The following RYR2 variants were observed in gnomAD, a reference collection of about 807,000 sequenced individuals.
The protein encoded by RYR2 is ryanodine receptor 2, also known as cardiac muscle ryanodine receptor-calcium release channel.
In RYR2, 227 loss-of-function variants were observed where a neutral mutation model predicts 601.1. The ratio of observed to expected loss-of-function variants is 0.38; its 90% CI spans 0.34 to 0.42. The LOEUF (loss-of-function observed/expected upper bound fraction) is 0.42. Among genes scored for constraint, RYR2 ranks in the 10% least tolerant of loss-of-function variants. RYR2 has a pLI of 1.00. For missense variants in RYR2, 4,646 were observed against 6,156.5 expected (o/e 0.75, Z 8.21); for synonymous variants, 2,223 against 2,175.1 (o/e 1.02, Z -0.61).
intron 2 of RYR2, among the ~76,000 whole-genome samples, chr1:237,312,100 A>G (rs906095680): frequency 6.6e-6 from 1 of 152,200 alleles, no homozygotes; most frequent in African/African-American, 2.4e-5. Context: ...AAACATAGAG[A>G]CAATAGATTG....
intron 29 of RYR2, among the ~76,000 whole-genome samples, chr1:237,584,691 T>G (rs1241833327): frequency 1.6e-5 from 2 of 125,446 alleles, no homozygotes; most frequent in Non-Finnish European, 3.2e-5. Context: ...GGTCTCGCCT[T>G]GCTCTGTCAC....
intron 10 of RYR2, among the ~76,000 whole-genome samples, chr1:237,392,648 G>C (rs911376577): frequency 1.3e-5 from 2 of 151,320 alleles, no homozygotes; most frequent in Non-Finnish European, 2.9e-5. Flanking sequence ...ATCAACAAAG[G>C]CATTTCCTTT....
At chr1:237,709,917 CAAT>C (rs1688689339) in intron 70 of RYR2, among the ~76,000 whole-genome samples, 1 of 152,280 alleles carries the variant, frequency 6.6e-6, no homozygotes, top group Admixed American at 6.5e-5. Context: ...CAATTTCCAA[CAAT>C]AACCCACACT....
At chr1:237,115,699 C>T (rs568459602) in intron 1 of RYR2, among the ~76,000 whole-genome samples, 5 of 152,242 alleles carry the variant, frequency 3.3e-5, no homozygotes, top group African/African-American at 7.2e-5. Flanking sequence ...TGAAGGTATC[C>T]GTGCCTCTGG....
At chr1:237,607,027 G>A (rs1173547785) in intron 35 of RYR2, among the ~76,000 whole-genome samples, 1 of 152,176 alleles carries the variant, frequency 6.6e-6, no homozygotes, top group Non-Finnish European at 1.5e-5. Context: ...GATTCCTCAA[G>A]GATCTAGAAC....
At chr1:237,731,916 A>ACACACACACACACC (rs936901045) in intron 77 of RYR2, 130 bp from the exon 78 acceptor site, 113 of 601,178 alleles carry the variant, frequency 1.9e-4, no homozygotes, top group Non-Finnish European at 2.8e-4. Context: ...ACACACACAC[A>ACACACACACACACC]CACCCCACAA....
In RYR2 at chr1:237,832,618, C is replaced by A; in HGVS notation, c.14875C>A (p.Arg4959=). Residue 4959 remains arginine (R), a synonymous_variant, in exon 105 of 105, where the codon CGG becomes AGG. Coordinates refer to ENST00000366574, the MANE Select transcript of RYR2 (RefSeq NM_001035.3). ...ATTTTTCCCAGCAGGGGATTGCTTC[C>A]GGAAACAGTATGAAGACCAGCTAAA... ...WEFFPAGDCF[R]KQYEDQLN is the part of the protein sequence containing the mutation. 1 of 1,611,610 alleles carries A rather than the reference C, an allele frequency of 6.2e-7. No homozygotes were observed. Among genetic ancestry groups the A allele is most frequent in the Non-Finnish European group, 8.5e-7 (1 of 1,178,260 alleles).
chr1:237,654,695 C>G lies in RYR2; in HGVS notation c.7965+281C>G, dbSNP rs184737092. Among the ~76,000 whole-genome samples the G allele has an allele frequency of 2.2e-4, 34 of 152,284 alleles. No homozygotes were observed. In the South Asian group the frequency reaches 7.1e-3, roughly 32 times the overall value. On this transcript the variant is annotated intron_variant, in intron 52 of 104. Transcript: ENST00000366574. Reference sequence around the variant, plus strand: ...GCACAAGGTTGATAAGTTTCCGGTGCATTTGGACTCAAACTCTCCCTAGTC... The same window carrying G: ...GCACAAGGTTGATAAGTTTCCGGTGGATTTGGACTCAAACTCTCCCTAGTC...
intron 48 of RYR2, 97 bp from the exon 49 acceptor site, chr1:237,648,347 C>A (rs1237408618): frequency 9.3e-7 from 1 of 1,079,626 alleles, no homozygotes; most frequent in Non-Finnish European, 1.3e-6. Context: ...TCATTGAAAA[C>A]TGTGTTTAAA....
intron 1 of RYR2, among the ~76,000 whole-genome samples, chr1:237,045,735 T>A (rs1355188823): frequency 6.6e-6 from 1 of 151,776 alleles, no homozygotes; most frequent in African/African-American, 2.4e-5. Flanking sequence ...CAAACTGTCA[T>A]TTGGCATTTA....
intron 12 of RYR2, among the ~76,000 whole-genome samples, chr1:237,438,762 A>G (rs1368710905): frequency 6.6e-6 from 1 of 152,248 alleles, no homozygotes; most frequent in Non-Finnish European, 1.5e-5. Context: ...TGGGCACTGC[A>G]TGCCCCAAGG....
chr1:237,576,909 T>C (rs1673280078), intron 29 of RYR2, among the ~76,000 whole-genome samples: 1 of 152,226 alleles, frequency 6.6e-6, no homozygotes, highest in South Asian at 2.1e-4. Context: ...CATAATTAAA[T>C]GCTATTTTAC....
At chr1:237,299,317 C>T (rs1304602776) in intron 2 of RYR2, among the ~76,000 whole-genome samples, 3 of 152,092 alleles carry the variant, frequency 2.0e-5, no homozygotes, top group African/African-American at 7.2e-5. Flanking sequence ...CAGACAGTGA[C>T]TTTCTGCTAG....
At chr1:237,766,950 T>C (rs1206773394) in intron 84 of RYR2, among the ~76,000 whole-genome samples, 2 of 152,216 alleles carry the variant, frequency 1.3e-5, no homozygotes, top group Non-Finnish European at 1.5e-5. Flanking sequence ...ACAACTGTCA[T>C]ACAACCTACA....
chr1:237,201,907 CT>C, intron 1 of RYR2, among the ~76,000 whole-genome samples: 1 of 152,282 alleles, frequency 6.6e-6, no homozygotes, highest in South Asian at 2.1e-4. Flanking sequence ...TTTATCATAT[CT>C]ACTGATACAC....
intron 3 of RYR2, chr1:237,341,716 A>T (rs1655963855): frequency 2.0e-6 from 1 of 492,406 alleles, no homozygotes; most frequent in African/African-American, 1.9e-5. Context: ...GGGGCTGAAA[A>T]GTACCAAAAA....
chr1:237,806,024 G>T, intron 98 of RYR2, 113 bp from the exon 99 acceptor site: 1 of 844,558 alleles, frequency 1.2e-6, no homozygotes, highest in Non-Finnish European at 1.8e-6. Flanking sequence ...CCACATGTGA[G>T]TGAGAACATG....
intron 3 of RYR2, chr1:237,333,588 C>A (rs955666806): frequency 2.2e-6 from 1 of 455,944 alleles, no homozygotes; most frequent in South Asian, 1.5e-5. Context: ...TTCCACTTAA[C>A]CATTTTATTC....
At chr1:237,214,031 G>T (rs759038346) in intron 1 of RYR2, among the ~76,000 whole-genome samples, 1 of 143,396 alleles carries the variant, frequency 7.0e-6, no homozygotes, top group East Asian at 2.1e-4. Context: ...AGCGATCCTC[G>T]TGCCTCAGTC....
Sources: allele counts gnomAD v4.1 joint callset (sites outside exome capture counted in the v4.1 genomes callset), GRCh38; gene constraint gnomAD v4.1.1; transcripts MANE v1.5; gene names NCBI Gene and HGNC (gene_info 2026-07-23, HGNC 2026-07-21).